The following CCDC138 variants were observed in gnomAD, a reference collection of about 807,000 sequenced individuals.
CCDC138 encodes coiled-coil domain containing 138, also known as coiled-coil domain-containing protein 138.
Under a neutral mutation model 82.3 loss-of-function variants are expected in CCDC138, and 66 were observed. That is an observed-to-expected ratio of 0.80 (90% confidence interval 0.66 to 0.98). CCDC138 has a LOEUF of 0.98. CCDC138 is among the 50% of genes least tolerant of loss of function. The pLI is 0.00. For synonymous variants in CCDC138, 297 were observed against 265.4 expected, an observed-to-expected ratio of 1.12 and a Z score of -1.16; for missense variants, 816 against 758.9, an observed-to-expected ratio of 1.08 and a Z score of -0.88.
At chr2:108,790,910 C>T (rs1454854472) in intron 3 of CCDC138, among the ~76,000 whole-genome samples, 2 of 151,844 alleles carry the variant, frequency 1.3e-5, no homozygotes, top group African/African-American at 4.8e-5. Flanking sequence ...CACCACTACT[C>T]CCAGCTAATT....
intron 13 of CCDC138, among the ~76,000 whole-genome samples, chr2:108,859,368 A>C (rs1248436491): frequency 6.6e-6 from 1 of 152,074 alleles, no homozygotes; most frequent in Non-Finnish European, 1.5e-5. Context: ...CTCTGTTGAT[A>C]GTTTCTTTTG....
intron 10 of CCDC138, among the ~76,000 whole-genome samples, chr2:108,833,968 T>C (rs1688158508): frequency 6.8e-6 from 1 of 147,198 alleles, no homozygotes; most frequent in Non-Finnish European, 1.5e-5. Flanking sequence ...GGATGGTCTC[T>C]ATCTCCTGAT....
chr2:108,830,067 T>C (rs1687301693), intron 10 of CCDC138, among the ~76,000 whole-genome samples: 1 of 152,164 alleles, frequency 6.6e-6, no homozygotes, highest in South Asian at 2.1e-4. Context: ...GGTATATACA[T>C]ACACAAGACT....
At chr2:108,831,239 T>C (rs773510479) in intron 10 of CCDC138, among the ~76,000 whole-genome samples, 5 of 152,062 alleles carry the variant, frequency 3.3e-5, no homozygotes, top group Admixed American at 6.6e-5. Context: ...CAAAAGGCAA[T>C]GTATCTGATG....
chr2:108,828,991 T>A (rs1055249249), intron 10 of CCDC138, among the ~76,000 whole-genome samples: 7 of 151,680 alleles, frequency 4.6e-5, no homozygotes, highest in East Asian at 1.9e-4. Context: ...AAGAAAAAAA[T>A]TTAACTCAAA....
chr2:108,811,478 A>G (rs1271624078), intron 7 of CCDC138, among the ~76,000 whole-genome samples: 2 of 151,954 alleles, frequency 1.3e-5, no homozygotes, highest in Admixed American at 1.3e-4. Context: ...ACTGGGCTCA[A>G]GTGATCCTCC....
intron 10 of CCDC138, among the ~76,000 whole-genome samples, chr2:108,828,823 C>G (rs1183224369): frequency 6.6e-6 from 1 of 151,638 alleles, no homozygotes; most frequent in Non-Finnish European, 1.5e-5. Context: ...CTAAAAATAC[C>G]AAAAATTAGC....
At chr2:108,821,046 G>A (rs1685608817) in intron 10 of CCDC138, among the ~76,000 whole-genome samples, 1 of 152,172 alleles carries the variant, frequency 6.6e-6, no homozygotes, top group Non-Finnish European at 1.5e-5. Context: ...TATGTTAGGG[G>A]TTAATACAAC....
chr2:108,826,610 A>G (rs1686642485), intron 10 of CCDC138, among the ~76,000 whole-genome samples: 1 of 152,040 alleles, frequency 6.6e-6, no homozygotes, highest in African/African-American at 2.4e-5. Flanking sequence ...CCATTGTTCT[A>G]TTTGTCTATC....
chr2:108,843,886 CTTTTTTT>C (rs57196170), intron 11 of CCDC138, among the ~76,000 whole-genome samples: 15 of 93,968 alleles, frequency 1.6e-4, no homozygotes, highest in African/African-American at 7.4e-4. Context: ...GTGTTTCTTT[CTTTTTTT>C]TTTTTTTTTT....
intron 4 of CCDC138, among the ~76,000 whole-genome samples, chr2:108,793,350 A>AACAACAAAAAAACACTGACCG (rs1338882744): frequency 2.0e-5 from 3 of 152,154 alleles, no homozygotes; most frequent in African/African-American, 7.2e-5. Context: ...AAAACAAAAC[A>AACAACAAAAAAACACTGACCG]ACAACAAAAA....
chr2:108,871,947 T>TG (rs770128871), intron 13 of CCDC138, among the ~76,000 whole-genome samples: 5 of 152,218 alleles, frequency 3.3e-5, no homozygotes, highest in Non-Finnish European at 7.3e-5. Flanking sequence ...CCTTTTACTG[T>TG]GGCTTCTCCA....
In CCDC138 at chr2:108,810,364, G is replaced by T. The variant is rs114433182; in HGVS notation, c.856-2267G>T. 5.8e-3 allele frequency among the ~76,000 whole-genome samples: 878 copies of T among 152,200 alleles called. 11 individuals carry two copies. Among genetic ancestry groups the T allele is most frequent in the African/African-American group, 0.02 (840 of 41,512 alleles). The stretch of plus-strand genomic sequence containing the variant: ...GTTTTTACTGTGAAGAGATGTTGTT[G>T]AATTTTATCAAATACTTTTTCTGTG... On this transcript the variant is annotated intron_variant, in intron 7 of 14. Coordinates refer to ENST00000295124, the MANE Select transcript of CCDC138 (RefSeq NM_144978.3).
chr2:108,873,537 C>A lies in CCDC138; in HGVS notation c.1780C>A (p.Leu594Ile). The A allele has an allele frequency of 2.5e-6, 4 of 1,611,838 alleles. No homozygotes were observed. The highest frequency in any genetic ancestry group is 3.4e-6 in the Non-Finnish European group (4 of 1,178,940). ...SVLLRAPKLD[L>I]QILEKLSIIL... ...GCTGCTTCGAGCCCCTAAGCTTGAT[C>A]TTCAAATACTAGAAAAACTCAGTAT... The change falls in exon 14 of 15, where the codon CTT becomes ATT. Residue 594 changes from leucine (L) to isoleucine (I), a missense_variant. Coordinates refer to ENST00000295124, the MANE Select transcript of CCDC138 (RefSeq NM_144978.3).
intron 11 of CCDC138, among the ~76,000 whole-genome samples, chr2:108,840,218 A>G (rs1388069493): frequency 6.6e-6 from 1 of 152,006 alleles, no homozygotes; most frequent in African/African-American, 2.4e-5. Context: ...TTCTTTTTAT[A>G]TGTTTTTATA....
intron 1 of CCDC138, among the ~76,000 whole-genome samples, chr2:108,787,404 T>C (rs1330495086): frequency 6.6e-6 from 1 of 152,198 alleles, no homozygotes; most frequent in Non-Finnish European, 1.5e-5. Context: ...TTTGAACTAT[T>C]TGAGGGTGAT....
chr2:108,849,866 T>C (rs1243533238), intron 12 of CCDC138, among the ~76,000 whole-genome samples: 1 of 152,220 alleles, frequency 6.6e-6, no homozygotes, highest in African/African-American at 2.4e-5. Flanking sequence ...GCCTGAATGC[T>C]GATGAGTCTC....
At position 108,816,096 on chromosome 2, in the gene CCDC138, G is replaced by T. The variant is rs188103209; in HGVS notation, c.1197G>T (p.Lys399Asn). The change falls in exon 10 of 15, where the codon AAG becomes AAT. Residue 399 changes from lysine to asparagine, a missense_variant. Physicochemically the swap from Lys to Asn is moderately conservative, Grantham distance 94. Coordinates refer to ENST00000295124, the MANE Select transcript of CCDC138 (RefSeq NM_144978.3). ...CCCAGAGAAATGATATTCAGGAGAA[G>T]TGTGTAAAGGTTTGTTTTTTAATTT... Reference protein sequence around the residue: ...FASQRNDIQEKCVKLLPLMTE... With the variant: ...FASQRNDIQENCVKLLPLMTE... The T allele has an allele frequency of 1.2e-6, 2 of 1,600,142 alleles. No homozygotes were observed. The highest frequency in any genetic ancestry group is 1.7e-6 in the Non-Finnish European group (2 of 1,174,630).
intron 11 of CCDC138, among the ~76,000 whole-genome samples, chr2:108,845,127 T>A (rs188713331): frequency 2.6e-5 from 4 of 152,284 alleles, no homozygotes; most frequent in African/African-American, 7.2e-5. Context: ...ACAAAAAAAG[T>A]TTACCTTAAT....
Sources: gnomAD v4.1 joint callset for allele counts (sites outside exome capture counted in the v4.1 genomes callset) on GRCh38, gnomAD v4.1.1 for gene constraint, MANE v1.5 for transcripts, NCBI Gene and HGNC (gene_info 2026-07-23, HGNC 2026-07-21) for gene names.